Variants in EHF observed in about 807,000 individuals in gnomAD.
EHF encodes the protein ETS homologous factor.
In EHF, 14 loss-of-function variants were observed where a neutral mutation model predicts 45.1. The observed-to-expected ratio is 0.31, with a 90% CI of 0.21 to 0.49. The LOEUF (loss-of-function observed/expected upper bound fraction) is 0.49. Among genes scored for constraint, EHF ranks in the 20% least tolerant of loss-of-function variants. The pLI, the probability that EHF is intolerant of heterozygous loss-of-function variation, is 0.99. For synonymous variants in EHF, 136 were observed against 131.8 expected, an observed-to-expected ratio of 1.03 and a Z score of -0.22; for missense variants, 282 against 371.4, an observed-to-expected ratio of 0.76 and a Z score of 1.98.
intron 2 of EHF, among the ~76,000 whole-genome samples, chr11:34,645,532 A>G (rs1440776977): frequency 4.6e-5 from 7 of 152,212 alleles, no homozygotes; most frequent in African/African-American, 1.4e-4. Context: ...GGAGAATAAG[A>G]CGGCACTTAG....
intron 1 of EHF, among the ~76,000 whole-genome samples, chr11:34,638,570 C>A (rs532554587): frequency 6.6e-6 from 1 of 152,296 alleles, no homozygotes; most frequent in South Asian, 2.1e-4. Context: ...GTATTCTCCA[C>A]TGGGGGTGGT....
chr11:34,625,747 T>G (rs958919736), intron 1 of EHF, among the ~76,000 whole-genome samples: 1 of 152,240 alleles, frequency 6.6e-6, no homozygotes, highest in African/African-American at 2.4e-5. Flanking sequence ...CTAACCGCAT[T>G]CTGTCTTTGG....
chr11:34,621,748 G>C (rs935446123), intron 1 of EHF, among the ~76,000 whole-genome samples: 6 of 152,204 alleles, frequency 3.9e-5, no homozygotes, highest in Non-Finnish European at 8.8e-5. Flanking sequence ...AAATAGGCAA[G>C]AACATACACA....
intron 1 of EHF, among the ~76,000 whole-genome samples, chr11:34,640,014 A>T (rs930180745): frequency 6.7e-6 from 1 of 148,824 alleles, no homozygotes; most frequent in Non-Finnish European, 1.5e-5. Flanking sequence ...TGCAACATTT[A>T]TTAAATTCTT....
intron 6 of EHF, 129 bp from the exon 7 acceptor site, chr11:34,656,779 A>T: frequency 1.0e-6 from 1 of 988,788 alleles, no homozygotes; most frequent in Non-Finnish European, 1.5e-6. Context: ...TTGGTTCACT[A>T]GCACATACTC....
At chr11:34,655,288 A>G (rs1239779300) in intron 6 of EHF, among the ~76,000 whole-genome samples, 1 of 152,192 alleles carries the variant, frequency 6.6e-6, no homozygotes, top group African/African-American at 2.4e-5. Context: ...ATTGCTGGGA[A>G]CACTGAGTCT....
At chr11:34,636,540 G>A (rs1382233391) in intron 1 of EHF, among the ~76,000 whole-genome samples, 2 of 152,206 alleles carry the variant, frequency 1.3e-5, no homozygotes, top group African/African-American at 4.8e-5. Flanking sequence ...TTATGCTGGG[G>A]ACTTTACAAA....
intron 1 of EHF, among the ~76,000 whole-genome samples, chr11:34,627,382 G>A (rs1852473915): frequency 6.6e-6 from 1 of 152,070 alleles, no homozygotes; most frequent in Admixed American, 6.6e-5. Context: ...GGCAAGTAGG[G>A]ACCTGCAGAA....
At chr11:34,644,566 C>A (rs905047380) in intron 2 of EHF, among the ~76,000 whole-genome samples, 1 of 152,204 alleles carries the variant, frequency 6.6e-6, no homozygotes, top group African/African-American at 2.4e-5. Flanking sequence ...GTATTACTAA[C>A]GGCAGTCACC....
intron 4 of EHF, among the ~76,000 whole-genome samples, chr11:34,650,120 A>AC (rs929841804): frequency 2.0e-5 from 3 of 152,018 alleles, no homozygotes; most frequent in African/African-American, 7.3e-5. Context: ...GGAGGATGGC[A>AC]CCCCCTCCCC....
chr11:34,660,421 T>C lies in EHF; in HGVS notation c.*1490T>C, dbSNP rs1311337660. 6.6e-6 allele frequency: 1 copy of C among 152,142 alleles called. No individual in the cohort carries two copies. Among genetic ancestry groups the C allele is most frequent in the Admixed American group, 6.6e-5 (1 of 15,266 alleles). 9.4% of individuals were successfully genotyped at this position (152,142 alleles called of 1,614,324 possible). On this transcript the variant is annotated 3_prime_UTR_variant, in exon 9 of 9. Coordinates refer to ENST00000257831, the MANE Select transcript of EHF (RefSeq NM_012153.6). Reference sequence around the variant, plus strand: ...AGGTGAACGGTTTATTGCCTAGATTTGTACTCAGAGGAATTTTTTTTGTTT... The same window carrying C: ...AGGTGAACGGTTTATTGCCTAGATTCGTACTCAGAGGAATTTTTTTTGTTT...
chr11:34,651,238 G>GT (rs1379602873), intron 4 of EHF, among the ~76,000 whole-genome samples: 3 of 152,022 alleles, frequency 2.0e-5, no homozygotes, highest in Non-Finnish European at 4.4e-5. Flanking sequence ...GCCAAGCCAG[G>GT]TTAGGAAAAT....
At chr11:34,648,563 T>C (rs966824458) in intron 3 of EHF, among the ~76,000 whole-genome samples, 4 of 152,204 alleles carry the variant, frequency 2.6e-5, no homozygotes, top group Admixed American at 6.5e-5. Context: ...AGAATCAAGC[T>C]AGTTAAAAAG....
chr11:34,643,919 T>G (rs1854265757), intron 2 of EHF, among the ~76,000 whole-genome samples: 1 of 152,208 alleles, frequency 6.6e-6, no homozygotes, highest in Non-Finnish European at 1.5e-5. Context: ...CACTTTTATT[T>G]CTTAAATTCC....
Position 34,640,241 on chromosome 11 carries a change from C to T in EHF, c.-3-2387C>T, listed in dbSNP as rs1226475686. On this transcript the variant is annotated intron_variant, in intron 1 of 8. Transcript: ENST00000257831. The stretch of plus-strand genomic sequence containing the variant: ...TCTCTCCAGCTCCAAAGCCTGGGTG[C>T]ACAGCCTCCACGCCACCCTGCTTTC... Among the ~76,000 whole-genome samples the T allele has an allele frequency of 2.0e-5, 3 of 152,200 alleles. No individual in the cohort carries two copies. The East Asian group carries it at 5.8e-4, about 29-fold the overall frequency.
In EHF at chr11:34,653,444, C is replaced by A. The variant is rs1855388482; in HGVS notation, c.544+1639C>A. On this transcript the variant is annotated intron_variant, in intron 6 of 8. Transcript: ENST00000257831. ...CTTTTGCATTTGCAGTAGCAAGGAA[C>A]TCGCTCTCTCCTGAGTCCACCGATT... Among the ~76,000 whole-genome samples the A allele has an allele frequency of 2.6e-5, 4 of 152,152 alleles. No individual in the cohort carries two copies. The South Asian group carries it at 8.3e-4, about 32-fold the overall frequency.
At chr11:34,624,269 T>A (rs1852178916) in intron 1 of EHF, 15 of 985,428 alleles carry the variant, frequency 1.5e-5, no homozygotes, top group Non-Finnish European at 1.7e-5. Flanking sequence ...ATTCTCACCC[T>A]GCCTTTGTTA....
rs1266062114 is a variant in EHF, at chr11:34,658,406, C to T, written c.608-127C>T. On this transcript the variant is annotated intron_variant, in intron 7 of 8. Coordinates refer to ENST00000257831, the MANE Select transcript of EHF (RefSeq NM_012153.6). ...AACATCTGGTGATTCTGCGATCCAT[C>T]TTCCCTGACAAGTAGGGGAGAAATG... The T allele has an allele frequency of 6.8e-6, 5 of 733,440 alleles. No homozygotes were observed. In the African/African-American group the frequency reaches 7.0e-5, roughly 10 times the overall value. 45.4% of individuals were successfully genotyped at this position (733,440 alleles called of 1,614,324 possible).
chr11:34,624,179 C>A, intron 1 of EHF: 2 of 603,388 alleles, frequency 3.3e-6, no homozygotes, highest in East Asian at 1.4e-4. Context: ...GTAGAGTTGA[C>A]GTGACACTCA....
Sources: gnomAD v4.1 joint callset for allele counts (sites outside exome capture counted in the v4.1 genomes callset) on GRCh38, gnomAD v4.1.1 for gene constraint, MANE v1.5 for transcripts, NCBI Gene and HGNC (gene_info 2026-07-23, HGNC 2026-07-21) for gene names.